Variants in HGF observed in about 807,000 individuals in gnomAD.
HGF encodes the protein hepatocyte growth factor.
Under a neutral mutation model 111.6 loss-of-function variants are expected in HGF, and 39 were observed. The ratio of observed to expected loss-of-function variants is 0.35; its 90% confidence interval spans 0.27 to 0.46. The LOEUF is 0.46. Among genes scored for constraint, HGF ranks in the 20% least tolerant of loss-of-function variants. The pLI, the probability that HGF is intolerant of heterozygous loss-of-function variation, is 1.00. For synonymous variants in HGF, 285 were observed against 294.8 expected (o/e 0.97, Z 0.34); for missense variants, 735 against 910.5 (o/e 0.81, Z 2.48).
intron 10 of HGF, among the ~76,000 whole-genome samples, chr7:81,718,709 G>A (rs999114782): frequency 6.6e-6 from 1 of 152,164 alleles, no homozygotes; most frequent in East Asian, 1.9e-4. Flanking sequence ...TGTGTACGGT[G>A]AGGATGAAGA....
intron 4 of HGF, among the ~76,000 whole-genome samples, chr7:81,754,503 G>A (rs1006030127): frequency 3.3e-5 from 5 of 151,912 alleles, no homozygotes; most frequent in African/African-American, 1.2e-4. Context: ...TAGAAAGGAA[G>A]AGAGAATAAT....
At chr7:81,716,533 T>C (rs1344587011) in intron 11 of HGF, among the ~76,000 whole-genome samples, 1 of 152,168 alleles carries the variant, frequency 6.6e-6, no homozygotes, top group East Asian at 1.9e-4. Flanking sequence ...TCTTTTCATT[T>C]ATTTATTAGC....
intron 15 of HGF, 57 bp downstream of exon 15, chr7:81,706,230 A>G (rs2115770522): frequency 2.6e-6 from 4 of 1,520,254 alleles, no homozygotes; most frequent in Middle Eastern, 1.7e-4. Context: ...AGCTGAAGAA[A>G]ATGCTCCAAC....
At chr7:81,738,369 G>C (rs1396592297) in intron 7 of HGF, among the ~76,000 whole-genome samples, 3 of 152,118 alleles carry the variant, frequency 2.0e-5, no homozygotes, top group Admixed American at 6.6e-5. Flanking sequence ...CTTCATTCAA[G>C]CACTATGCAG....
intron 8 of HGF, among the ~76,000 whole-genome samples, chr7:81,726,467 A>G (rs138913288): frequency 6.6e-6 from 1 of 152,292 alleles, no homozygotes; most frequent in African/African-American, 2.4e-5. Context: ...CTCTCATTTA[A>G]AATGGAAGTT....
In HGF at chr7:81,702,219, T is replaced by C. The variant is rs933743740; in HGVS notation, c.*362A>G. 12 of 251,420 alleles carry C rather than the reference T, an allele frequency of 4.8e-5. No homozygotes were observed. Among genetic ancestry groups the C allele is most frequent in the African/African-American group, 2.6e-4 (12 of 45,408 alleles). The allele number at this position is 251,420 out of a possible 1,614,324, so 15.6% of individuals were successfully genotyped here. Reference sequence around the variant, plus strand: ...GGTTAAAATAACATTTAATTTGTGGTTTACTCATTATTAAGAAACCAACAT... The same window carrying C: ...GGTTAAAATAACATTTAATTTGTGGCTTACTCATTATTAAGAAACCAACAT... On this transcript the variant is annotated 3_prime_UTR_variant, in exon 18 of 18. Coordinates refer to ENST00000222390, the MANE Select transcript of HGF (RefSeq NM_000601.6).
chr7:81,723,212 T>C (rs1187280719), intron 9 of HGF, among the ~76,000 whole-genome samples: 1 of 152,030 alleles, frequency 6.6e-6, no homozygotes, highest in African/African-American at 2.4e-5. Flanking sequence ...ACTAATGAAA[T>C]TGTCTACTTG....
intron 8 of HGF, among the ~76,000 whole-genome samples, chr7:81,726,561 CATTG>C (rs1476048289): frequency 6.6e-6 from 1 of 152,046 alleles, no homozygotes; most frequent in East Asian, 1.9e-4. Context: ...TAATTTGATG[CATTG>C]ATTTATTTTA....
intron 5 of HGF, among the ~76,000 whole-genome samples, chr7:81,747,741 G>A (rs1788330079): frequency 6.6e-6 from 1 of 152,120 alleles, no homozygotes; most frequent in African/African-American, 2.4e-5. Context: ...AGCACTTTGG[G>A]AGGCCAAGGC....
chr7:81,758,573 TA>T, intron 3 of HGF, 118 bp downstream of exon 3: 1 of 687,266 alleles, frequency 1.5e-6, no homozygotes, highest in Non-Finnish European at 2.6e-6. Context: ...ATTGACTACA[TA>T]AAATATCTCA....
At chr7:81,746,962 A>G (rs914214980) in intron 5 of HGF, among the ~76,000 whole-genome samples, 13 of 152,156 alleles carry the variant, frequency 8.5e-5, no homozygotes, top group Admixed American at 2.6e-4. Context: ...CTGGGGCACT[A>G]ATAACAAGCT....
intron 4 of HGF, among the ~76,000 whole-genome samples, chr7:81,753,707 C>T (rs1044101654): frequency 3.9e-5 from 6 of 151,910 alleles, no homozygotes; most frequent in African/African-American, 1.4e-4. Context: ...TTTCAGGGAA[C>T]CAGTGAAGTA....
chr7:81,729,768 T>C lies in HGF; in HGVS notation c.877A>G (p.Met293Val), dbSNP rs747693036. The part of the protein sequence containing the change: ...CAIKTCADNT[M>V]NDTDVPLETT... ...TCCAAAGGAACATCAGTGTCATTCA[T>C]AGTATTGTCAGCTATTGGCAAAAAA... Residue 293 changes from methionine to valine, a missense_variant, in exon 8 of 18, where the codon ATG (methionine) becomes GTG (valine). Met to Val is a conservative substitution (Grantham distance 21). Coordinates refer to ENST00000222390, the MANE Select transcript of HGF (RefSeq NM_000601.6). 1.2e-6 allele frequency: 2 copies of C among 1,610,400 alleles called. No individual in the cohort carries two copies. Among genetic ancestry groups the C allele is most frequent in the South Asian group, 1.1e-5 (1 of 90,852 alleles).
intron 7 of HGF, among the ~76,000 whole-genome samples, chr7:81,738,182 G>A (rs1266428748): frequency 5.3e-5 from 8 of 151,872 alleles, no homozygotes; most frequent in Admixed American, 5.3e-4. Context: ...CCATGACACA[G>A]GTTTACCTAC....
In HGF at chr7:81,706,324, G is replaced by A; in HGVS notation, c.1720C>T (p.Pro574Ser). ...VLNVSQLVYG[P>S]EGSDLVLMKL... ...ATTAAAACCAGATCTGATCCTTCAG[G>A]GCCATATACCAGCTGGGAAACATTG... Residue 574 changes from proline to serine, a missense_variant, in exon 15 of 18, where the codon CCT becomes TCT. Pro to Ser is a moderately conservative substitution (Grantham distance 74). This residue lies in a region of HGF where 130 missense variants were observed against 129.9 expected (regional missense o/e 1.00). Coordinates refer to ENST00000222390, the MANE Select transcript of HGF (RefSeq NM_000601.6). The A allele has an allele frequency of 6.2e-7, 1 of 1,612,540 alleles. No homozygotes were observed. Among genetic ancestry groups the A allele is most frequent in the Non-Finnish European group, 8.5e-7 (1 of 1,179,044 alleles).
intron 7 of HGF, among the ~76,000 whole-genome samples, chr7:81,730,695 T>C (rs1053518250): frequency 1.3e-5 from 2 of 152,148 alleles, no homozygotes; most frequent in Non-Finnish European, 2.9e-5. Context: ...CTCTCTGTAA[T>C]GTTTAGTCAA....
intron 11 of HGF, 132 bp downstream of exon 11, chr7:81,717,100 G>T: frequency 1.3e-6 from 1 of 792,038 alleles, no homozygotes; most frequent in East Asian, 2.6e-5. Flanking sequence ...GTGTACATTT[G>T]TGTGTGTTGC....
At chr7:81,721,012 A>G (rs938969321) in intron 9 of HGF, among the ~76,000 whole-genome samples, 165 bp from the exon 10 acceptor site, 7 of 152,204 alleles carry the variant, frequency 4.6e-5, no homozygotes, top group African/African-American at 7.2e-5. Context: ...TTGGGAGGCC[A>G]AGGCGGGCCC....
At position 81,762,762 on chromosome 7, in the gene HGF, C is replaced by T. The variant is rs780386537; in HGVS notation, c.199G>A (p.Ala67Thr). The change falls in exon 2 of 18, where the codon GCA becomes ACA. Residue 67 changes from alanine (A) to threonine (T), a missense_variant. Physicochemically the swap from Ala to Thr is moderately conservative, Grantham distance 58. This residue lies in a region of HGF where 553 missense variants were observed against 685.6 expected (regional missense o/e 0.81). Transcript: ENST00000222390. ...LKIKTKKVNT[A>T]DQCANRCTRN... ...GTACATCTATTAGCACATTGGTCTG[C>T]AGTATTCACTTTTTTGGTTTTTATC... 1.2e-6 allele frequency: 2 copies of T among 1,612,456 alleles called. No individual in the cohort carries two copies. The highest frequency in any genetic ancestry group is 2.7e-5 in the African/African-American group (2 of 74,890).
Sources: gnomAD v4.1 joint callset for allele counts (sites outside exome capture counted in the v4.1 genomes callset) on GRCh38, gnomAD v4.1.1 for gene constraint, gnomAD v4.1.1 regional missense constraint, MANE v1.5 for transcripts, NCBI Gene and HGNC (gene_info 2026-07-23, HGNC 2026-07-21) for gene names.